The following PKD1L1 variants were observed in gnomAD, a reference collection of about 807,000 sequenced individuals.
The protein encoded by PKD1L1 is polycystin 1 like 1, transient receptor potential channel interacting.
A neutral mutation model predicts 323.4 loss-of-function variants in PKD1L1; 236 were observed. The ratio of observed to expected loss-of-function variants is 0.73; its 90% confidence interval spans 0.66 to 0.81. The LOEUF (loss-of-function observed/expected upper bound fraction) is 0.81, where lower values mean the gene tolerates loss of function less well. PKD1L1 is among the 40% of genes least tolerant of loss of function. The probability of loss-of-function intolerance (pLI) is 0.00; values close to 1 mark genes in which losing one functional copy is unlikely to be tolerated. For missense variants in PKD1L1, 3,320 were observed against 3,508.0 expected (o/e 0.95, Z 1.35); for synonymous variants, 1,344 against 1,335.0 (o/e 1.01, Z -0.15).
intron 34 of PKD1L1, among the ~76,000 whole-genome samples, chr7:47,841,215 G>A (rs79381909): frequency 0.055 from 8,365 of 152,222 alleles, 304 homozygotes; most frequent in South Asian, 0.13. Flanking sequence ...TGTGTATGAT[G>A]TAAAGATTTA....
At chr7:47,864,796 G>A (rs1169829506) in intron 26 of PKD1L1, among the ~76,000 whole-genome samples, 1 of 149,570 alleles carries the variant, frequency 6.7e-6, no homozygotes, top group Non-Finnish European at 1.5e-5. Flanking sequence ...TCGGCTCACT[G>A]CAACCTCCGC....
In PKD1L1 at chr7:47,774,755, C is replaced by T. The variant is rs2128719962; in HGVS notation, c.*388G>A. 1 of 165,388 alleles carries T rather than the reference C, an allele frequency of 6.0e-6. No individual in the cohort carries two copies. The highest frequency in any genetic ancestry group is 2.0e-4 in the South Asian group (1 of 4,946). The allele number at this position is 165,388 out of a possible 1,614,324, so 10.2% of individuals were successfully genotyped here. A position where few individuals can be genotyped will look rare whatever the true frequency, so the allele number is the denominator to read the frequency against. Reference sequence around the variant, plus strand: ...TTAAATATTAGAATGTTATCCTGGTCTCTTTCATCGCTTTTATGAGACCTG... The same window carrying T: ...TTAAATATTAGAATGTTATCCTGGTTTCTTTCATCGCTTTTATGAGACCTG... On this transcript the variant is annotated 3_prime_UTR_variant, in exon 57 of 57. Transcript: ENST00000289672.
intron 41 of PKD1L1, 110 bp downstream of exon 41, chr7:47,832,975 CTAGAG>C (rs1020497471): frequency 9.5e-6 from 13 of 1,361,484 alleles, no homozygotes; most frequent in Non-Finnish European, 1.2e-5. Context: ...TTAGATGAGA[CTAGAG>C]TATTCAGTGA....
At chr7:47,847,671 C>T (rs954117429) in intron 31 of PKD1L1, among the ~76,000 whole-genome samples, 6 of 151,894 alleles carry the variant, frequency 4.0e-5, no homozygotes, top group African/African-American at 1.5e-4. Flanking sequence ...AGACATTAGC[C>T]CTTTGTAAAA....
intron 12 of PKD1L1, 26 bp from the exon 13 acceptor site, chr7:47,902,537 G>T: frequency 6.2e-7 from 1 of 1,608,896 alleles, no homozygotes; most frequent in Non-Finnish European, 8.5e-7. Context: ...GCACAGAAAT[G>T]AACAAATTTA....
intron 4 of PKD1L1, among the ~76,000 whole-genome samples, chr7:47,933,509 T>C (rs529954045): frequency 3.3e-5 from 5 of 152,254 alleles, no homozygotes; most frequent in African/African-American, 9.6e-5. Context: ...AGGTCAACAA[T>C]GTGGACTGCA....
intron 49 of PKD1L1, 88 bp downstream of exon 49, chr7:47,813,033 T>A (rs1584961116): frequency 1.3e-6 from 2 of 1,498,164 alleles, no homozygotes; most frequent in East Asian, 4.5e-5. Flanking sequence ...AGGCTGCACC[T>A]GCTGCAGATG....
chr7:47,860,247 C>T (rs768801562), intron 26 of PKD1L1, among the ~76,000 whole-genome samples: 9 of 152,178 alleles, frequency 5.9e-5, no homozygotes, highest in Non-Finnish European at 1.0e-4. Context: ...CAAATGTCTA[C>T]GAGACAAAGT....
At chr7:47,898,962 A>C (rs1320917302) in intron 13 of PKD1L1, among the ~76,000 whole-genome samples, 1 of 152,126 alleles carries the variant, frequency 6.6e-6, no homozygotes, top group African/African-American at 2.4e-5. Flanking sequence ...AGGTTTCCTA[A>C]ACTATAGTTT....
chr7:47,929,399 A>C lies in PKD1L1; in HGVS notation c.865T>G (p.Phe289Val). 2.5e-6 allele frequency: 4 copies of C among 1,614,208 alleles called. No individual in the cohort carries two copies. The highest frequency in any genetic ancestry group is 3.4e-6 in the Non-Finnish European group (4 of 1,180,032). The change falls in exon 7 of 57, where the codon TTC (phenylalanine) becomes GTC (valine). Residue 289 changes from phenylalanine to valine, a missense_variant. By Grantham distance (50) the Phe-to-Val change is conservative. Transcript: ENST00000289672. ...GAGCAATTAAGAACAGGGTTCATGA[A>C]GTTATCAGAATTTCGAGCTAGGATG... Reference protein sequence around the residue: ...VAILARNSDNFMNPVLNCSLE... With the variant: ...VAILARNSDNVMNPVLNCSLE...
intron 43 of PKD1L1, 47 bp from the exon 44 acceptor site, chr7:47,829,648 T>A (rs1272340352): frequency 6.5e-7 from 1 of 1,540,260 alleles, no homozygotes; most frequent in South Asian, 1.2e-5. Context: ...TATGTCTGTG[T>A]TCATTCCACA....
At chr7:47,833,551 G>A (rs1785393336) in intron 40 of PKD1L1, among the ~76,000 whole-genome samples, 1 of 152,154 alleles carries the variant, frequency 6.6e-6, no homozygotes, top group South Asian at 2.1e-4. Context: ...TGCCACAGAG[G>A]GGAATCCAGC....
At chr7:47,801,415 A>G (rs1784659573) in intron 53 of PKD1L1, among the ~76,000 whole-genome samples, 1 of 152,198 alleles carries the variant, frequency 6.6e-6, no homozygotes, top group Non-Finnish European at 1.5e-5. Flanking sequence ...GAGGGGTTGT[A>G]TCACTGGCTC....
the PKD1L1 span, among the ~76,000 whole-genome samples, chr7:47,959,504 C>G: frequency 2.0e-5 from 3 of 150,426 alleles, no homozygotes; most frequent in Non-Finnish European, 4.5e-5. Flanking sequence ...AGCGCCTCTA[C>G]CCGGCCGCGA....
chr7:47,865,747 G>A (rs1334899986), intron 25 of PKD1L1, among the ~76,000 whole-genome samples: 23 of 135,550 alleles, frequency 1.7e-4, no homozygotes, highest in African/African-American at 7.1e-4. Flanking sequence ...CACCACACCT[G>A]GCTAATTTTT....
At chr7:47,956,814 C>T in the PKD1L1 span, 3 of 155,788 alleles carry the variant, frequency 1.9e-5, no homozygotes, top group African/African-American at 7.2e-5. Context: ...AACTGATAAC[C>T]AAATGATGAT....
chr7:47,925,668 C>G (rs1787643166), intron 7 of PKD1L1, among the ~76,000 whole-genome samples: 1 of 152,042 alleles, frequency 6.6e-6, no homozygotes, highest in Admixed American at 6.6e-5. Flanking sequence ...CACAACTGAC[C>G]AGCATTAACA....
In PKD1L1 at chr7:47,854,747, T is replaced by C. The variant is rs1425767257; in HGVS notation, c.4859+135A>G. 27 of 1,136,500 alleles carry C rather than the reference T, an allele frequency of 2.4e-5. 1 individual carries two copies. Among genetic ancestry groups the C allele is most frequent in the Non-Finnish European group, 3.4e-5 (27 of 789,526 alleles). 70.4% of individuals were successfully genotyped at this position (1,136,500 alleles called of 1,614,324 possible). A position where few individuals can be genotyped will look rare whatever the true frequency, so the allele number is the denominator to read the frequency against. The stretch of plus-strand genomic sequence containing the variant: ...CTTAGCATCCAAACAGCAGAATAGA[T>C]AACAATTTCTTTAAACAATGAGCCT... On this transcript the variant is annotated intron_variant, in intron 30 of 56. Coordinates refer to ENST00000289672, the MANE Select transcript of PKD1L1 (RefSeq NM_138295.5).
chr7:47,932,375 GCT>G (rs1787788653), intron 4 of PKD1L1, among the ~76,000 whole-genome samples: 1 of 152,216 alleles, frequency 6.6e-6, no homozygotes, highest in South Asian at 2.1e-4. Context: ...TACAAAACAT[GCT>G]CTGTCTTCCC....
Sources: gnomAD v4.1 joint callset for allele counts (sites outside exome capture counted in the v4.1 genomes callset) on GRCh38, gnomAD v4.1.1 for gene constraint, MANE v1.5 for transcripts, NCBI Gene and HGNC (gene_info 2026-07-23, HGNC 2026-07-21) for gene names.